DLG5: variants seen among roughly 807,000 people sequenced by gnomAD.
DLG5 encodes disks large homolog 5.
In DLG5, 48 loss-of-function variants were observed where a neutral mutation model predicts 189.8. The observed-to-expected ratio is 0.25, with a 90% confidence interval of 0.20 to 0.32. The LOEUF (loss-of-function observed/expected upper bound fraction) is 0.32. Ranked by LOEUF, DLG5 falls within the 10% of genes least tolerant of loss-of-function variation. The pLI is 1.00. For synonymous variants in DLG5, 1,016 were observed against 1,054.1 expected (o/e 0.96, Z 0.70); for missense variants, 2,160 against 2,544.7 (o/e 0.85, Z 3.25).
At chr10:77,842,377 T>C (rs1397089546) in intron 6 of DLG5, among the ~76,000 whole-genome samples, 184 bp from the exon 7 acceptor site, 1 of 152,198 alleles carries the variant, frequency 6.6e-6, no homozygotes, top group Non-Finnish European at 1.5e-5. Context: ...GGACCTGGAA[T>C]TTTTCTCAGC....
chr10:77,857,394 G>A (rs1003502976), intron 2 of DLG5, among the ~76,000 whole-genome samples: 12 of 152,210 alleles, frequency 7.9e-5, no homozygotes, highest in African/African-American at 2.9e-4. Context: ...CCGTGTCCCC[G>A]CCCTCCTCGA....
intron 29 of DLG5, 150 bp from the exon 30 acceptor site, chr10:77,795,108 C>T: frequency 3.2e-6 from 2 of 616,022 alleles, no homozygotes; most frequent in Non-Finnish European, 5.7e-6. Context: ...GAAACCATAC[C>T]CACGAAACTC....
At chr10:77,807,453 C>T (rs568293356) in intron 25 of DLG5, among the ~76,000 whole-genome samples, 6 of 152,264 alleles carry the variant, frequency 3.9e-5, no homozygotes, top group African/African-American at 9.6e-5. Context: ...CTGAAGATGC[C>T]TGGAAGTCCA....
intron 6 of DLG5, 109 bp downstream of exon 6, chr10:77,843,338 A>G: frequency 7.2e-7 from 1 of 1,389,954 alleles, no homozygotes; most frequent in Non-Finnish European, 9.7e-7. Context: ...GGTCAGAAGC[A>G]TTTTTTGATT....
intron 29 of DLG5, among the ~76,000 whole-genome samples, chr10:77,795,552 G>C (rs932172295): frequency 6.6e-6 from 1 of 152,118 alleles, no homozygotes; most frequent in East Asian, 1.9e-4. Flanking sequence ...AGGAGCGGCT[G>C]TGTCCTTGGA....
intron 1 of DLG5, among the ~76,000 whole-genome samples, chr10:77,902,689 T>C (rs1025367228): frequency 6.6e-6 from 1 of 151,854 alleles, no homozygotes; most frequent in Non-Finnish European, 1.5e-5. Flanking sequence ...TGAAACCCCA[T>C]CTCTACTAAA....
At chr10:77,836,040 C>A (rs75616972) in intron 7 of DLG5, 118 bp from the exon 8 acceptor site, 3 of 1,076,188 alleles carry the variant, frequency 2.8e-6, no homozygotes, top group Non-Finnish European at 3.9e-6. Context: ...GAGGGAAACA[C>A]GGAGCCCATC....
At chr10:77,838,539 T>C (rs1195557666) in intron 7 of DLG5, among the ~76,000 whole-genome samples, 1 of 152,210 alleles carries the variant, frequency 6.6e-6, no homozygotes. Flanking sequence ...CTCCCCATGC[T>C]ACCTCTTTGC....
intron 1 of DLG5, among the ~76,000 whole-genome samples, chr10:77,871,804 A>G (rs1844913083): frequency 1.3e-5 from 2 of 151,930 alleles, no homozygotes; most frequent in Admixed American, 1.3e-4. Context: ...CAGCCTCCCA[A>G]AGTGCTAGGA....
At chr10:77,848,223 C>T (rs975196534) in intron 5 of DLG5, among the ~76,000 whole-genome samples, 1 of 152,192 alleles carries the variant, frequency 6.6e-6, no homozygotes, top group Non-Finnish European at 1.5e-5. Context: ...TTGGTCAGAA[C>T]ACTCCTCTGT....
At chr10:77,852,702 C>T (rs906324095) in intron 5 of DLG5, among the ~76,000 whole-genome samples, 5 of 152,284 alleles carry the variant, frequency 3.3e-5, no homozygotes, top group African/African-American at 1.2e-4. Flanking sequence ...TGAGCCACCG[C>T]ACCCAGCCTT....
At chr10:77,841,851 T>G in intron 7 of DLG5, 30 bp downstream of exon 7, 3 of 1,590,610 alleles carry the variant, frequency 1.9e-6, no homozygotes, top group Non-Finnish European at 2.6e-6. Context: ...TAGGAGAGGC[T>G]GAAAGCCAGC....
chr10:77,904,039 G>A (rs1846004881), intron 1 of DLG5, among the ~76,000 whole-genome samples: 1 of 152,180 alleles, frequency 6.6e-6, no homozygotes, highest in Admixed American at 6.5e-5. Flanking sequence ...GTGTGGTGGT[G>A]TGCACCTGTA....
At chr10:77,807,665 G>A in intron 25 of DLG5, 131 bp downstream of exon 25, 1 of 1,095,754 alleles carries the variant, frequency 9.1e-7, no homozygotes, top group South Asian at 1.6e-5. Context: ...CAGATTGAGT[G>A]TCAAGGAATG....
At chr10:77,901,759 C>A (rs1845934342) in intron 1 of DLG5, among the ~76,000 whole-genome samples, 1 of 152,210 alleles carries the variant, frequency 6.6e-6, no homozygotes, top group Non-Finnish European at 1.5e-5. Context: ...TGGGCCTGAG[C>A]CAACAGCACC....
chr10:77,882,731 G>A (rs924757175), intron 1 of DLG5, among the ~76,000 whole-genome samples: 1 of 148,970 alleles, frequency 6.7e-6, no homozygotes, highest in Non-Finnish European at 1.5e-5. Flanking sequence ...GGCCAACATG[G>A]TGAAACCTCG....
chr10:77,913,563 T>C (rs1209049644), intron 1 of DLG5, among the ~76,000 whole-genome samples: 2 of 152,200 alleles, frequency 1.3e-5, no homozygotes, highest in Non-Finnish European at 2.9e-5. Context: ...ATCCTCTCTG[T>C]TCTTCCACAT....
chr10:77,798,335 C>A (rs1448487533), intron 27 of DLG5, among the ~76,000 whole-genome samples: 1 of 152,194 alleles, frequency 6.6e-6, no homozygotes, highest in South Asian at 2.1e-4. Flanking sequence ...CTTGGAACCC[C>A]ATGTGGTCCC....
rs184354877 is a variant in DLG5, at chr10:77,891,973, T to G, written c.305-22776A>C. Reference sequence around the variant, plus strand: ...TCTCAGACTCGACCCTGCCTCTTTCTGCAGGTTGGCTCAGAGACACAGGCC... The same window carrying G: ...TCTCAGACTCGACCCTGCCTCTTTCGGCAGGTTGGCTCAGAGACACAGGCC... On this transcript the variant is annotated intron_variant, in intron 1 of 31. Transcript: ENST00000372391. 2.4e-3 allele frequency among the ~76,000 whole-genome samples: 359 copies of G among 152,342 alleles called. 2 individuals carry two copies. The South Asian group carries it at 0.024, about 10-fold the overall frequency.
Sources: allele counts gnomAD v4.1 joint callset (sites outside exome capture counted in the v4.1 genomes callset), GRCh38; gene constraint gnomAD v4.1.1; transcripts MANE v1.5; gene names NCBI Gene and HGNC (gene_info 2026-07-23, HGNC 2026-07-21).